RIN3: variants seen among roughly 807,000 people sequenced by gnomAD.
RIN3 encodes the protein Ras and Rab interactor 3, also known as RAB5 interacting protein 3.
In RIN3, 54 loss-of-function variants were observed where a neutral mutation model predicts 76.3. The ratio of observed to expected loss-of-function variants is 0.71; its 90% CI spans 0.57 to 0.89. The LOEUF (loss-of-function observed/expected upper bound fraction) is 0.89, where lower values mean the gene tolerates loss of function less well. Ranked by LOEUF, RIN3 falls within the 40% of genes least tolerant of loss-of-function variation. RIN3 has a pLI of 0.00. For missense variants in RIN3, 1,256 were observed against 1,322.1 expected, an observed-to-expected ratio of 0.95 and a Z score of 0.78; for synonymous variants, 576 against 564.0, an observed-to-expected ratio of 1.02 and a Z score of -0.30.
chr14:92,534,819 G>A (rs112484025), intron 1 of RIN3, among the ~76,000 whole-genome samples: 3,439 of 152,168 alleles, frequency 0.023, 137 homozygotes, highest in African/African-American at 0.077. Flanking sequence ...TCATGCCTGG[G>A]TGTCTATTCT....
chr14:92,590,294 T>C (rs976186829), intron 3 of RIN3, among the ~76,000 whole-genome samples: 1 of 152,210 alleles, frequency 6.6e-6, no homozygotes, highest in African/African-American at 2.4e-5. Flanking sequence ...ACAGTTTGGA[T>C]CTGTCTCTGC....
intron 1 of RIN3, among the ~76,000 whole-genome samples, chr14:92,517,909 T>C (rs950409025): frequency 5.3e-5 from 8 of 152,170 alleles, no homozygotes; most frequent in African/African-American, 1.9e-4. Context: ...CTAATTGCCC[T>C]CAGGTGACAT....
chr14:92,545,933 TG>T (rs68111288), intron 1 of RIN3, among the ~76,000 whole-genome samples: 56,585 of 144,042 alleles, frequency 0.39, 10,870 homozygotes, highest in East Asian at 0.65. Context: ...TTCTTTTCTT[TG>T]TTTTTTTTTG....
rs1379802478 is a variant in RIN3 at position 92,551,515 on chromosome 14, A to G, written c.45-4236A>G. ...GGTAGGTATATGTTTAGGTTTATTA[A>G]AAAGTGCCATATCTTTGTCTAAAGT... On this transcript the variant is annotated intron_variant, in intron 1 of 9. Transcript: ENST00000216487. 3.9e-5 allele frequency among the ~76,000 whole-genome samples: 6 copies of G among 152,132 alleles called. No homozygotes were observed. The East Asian group carries it at 1.2e-3, about 29-fold the overall frequency.
In RIN3 at chr14:92,688,941, G is replaced by C. The variant is rs886439052; in HGVS notation, c.*689G>C. 1 of 152,364 alleles carries C rather than the reference G, an allele frequency of 6.6e-6. No homozygotes were observed. The highest frequency in any genetic ancestry group is 2.4e-5 in the African/African-American group (1 of 41,474). 9.4% of individuals were successfully genotyped at this position (152,364 alleles called of 1,614,324 possible). Reference sequence around the variant, plus strand: ...CAGGACACGCCCCAGAGCTGTGGCAGATTGCAGGAGCCATCGTGTGGGGAG... The same window carrying C: ...CAGGACACGCCCCAGAGCTGTGGCACATTGCAGGAGCCATCGTGTGGGGAG... On this transcript the variant is annotated 3_prime_UTR_variant, in exon 10 of 10. Transcript: ENST00000216487.
chr14:92,642,335 G>A (rs1312946647), intron 5 of RIN3, among the ~76,000 whole-genome samples: 1 of 152,072 alleles, frequency 6.6e-6, no homozygotes, highest in Non-Finnish European at 1.5e-5. Flanking sequence ...GGCCTCAAGC[G>A]ATCCTCCCAC....
chr14:92,673,757 C>T (rs952562207), intron 7 of RIN3, among the ~76,000 whole-genome samples: 1 of 152,194 alleles, frequency 6.6e-6, no homozygotes, highest in Admixed American at 6.5e-5. Context: ...CCGCATGCGT[C>T]GGCCTCCCAG....
chr14:92,687,746 C>T (rs1888916779), intron 9 of RIN3, 180 bp from the exon 10 acceptor site: 2 of 560,858 alleles, frequency 3.6e-6, no homozygotes, highest in Middle Eastern at 4.8e-4. Flanking sequence ...GGAAGCCAGG[C>T]AGGGAGGGGG....
At chr14:92,635,183 A>C (rs10147131) in intron 4 of RIN3, among the ~76,000 whole-genome samples, 85,024 of 152,004 alleles carry the variant, frequency 0.56, 24,548 homozygotes, top group Non-Finnish European at 0.64. Flanking sequence ...AGTTTCAGAC[A>C]CCTGCCTTCC....
At position 92,545,253 on chromosome 14, in the gene RIN3, G is replaced by C. The variant is rs528281160; in HGVS notation, c.45-10498G>C. Among the ~76,000 whole-genome samples, 187 of 151,938 alleles carry C rather than the reference G, an allele frequency of 1.2e-3. 3 individuals are homozygous for C. Among genetic ancestry groups the C allele is most frequent in the African/African-American group, 4.4e-3 (183 of 41,416 alleles). ...GCCTCCAAAGTAGGTGGGACTACAGGCACCTGCCACCACGCCTGGCTAATT... is the reference window on the plus strand; with the variant it reads ...GCCTCCAAAGTAGGTGGGACTACAGCCACCTGCCACCACGCCTGGCTAATT... On this transcript the variant is annotated intron_variant, in intron 1 of 9. Transcript: ENST00000216487.
At chr14:92,637,494 T>C (rs1886818162) in intron 4 of RIN3, among the ~76,000 whole-genome samples, 1 of 152,158 alleles carries the variant, frequency 6.6e-6, no homozygotes, top group South Asian at 2.1e-4. Flanking sequence ...TGACAGGCCA[T>C]GGCCTAATAC....
rs1566886484 is a variant in RIN3 at position 92,651,651 on chromosome 14, C to A, written c.602C>A (p.Ala201Asp). ...GKPAEPPRDR[A>D]PGFPLVSSLR... ...CCAGCAGAGCCCCCAAGAGACCGGG[C>A]CCCCGGATTCCCCCTAGTCTCCAGC... Residue 201 changes from alanine (A) to aspartate (D), a missense_variant, in exon 6 of 10, where the codon GCC becomes GAC. Around this residue, in one of 3 missense-constraint regions of RIN3, gnomAD observed 610 missense variants for 626.4 expected, o/e 0.97. Coordinates refer to ENST00000216487, the MANE Select transcript of RIN3 (RefSeq NM_024832.5). The A allele has an allele frequency of 8.7e-6, 14 of 1,613,102 alleles. No homozygotes were observed. The highest frequency in any genetic ancestry group is 1.1e-5 in the South Asian group (1 of 91,060).
intron 2 of RIN3, among the ~76,000 whole-genome samples, chr14:92,563,456 T>A (rs144113856): frequency 1.0e-3 from 154 of 152,298 alleles, no homozygotes; most frequent in African/African-American, 3.6e-3. Flanking sequence ...GCAGGATTAC[T>A]TTGGACTAAG....
chr14:92,593,381 G>C (rs942781365), intron 3 of RIN3, among the ~76,000 whole-genome samples: 1 of 152,154 alleles, frequency 6.6e-6, no homozygotes, highest in Non-Finnish European at 1.5e-5. Context: ...GAGGTTGTCA[G>C]AGTAGATCAA....
chr14:92,604,774 C>T (rs1363446453), intron 3 of RIN3, among the ~76,000 whole-genome samples: 1 of 152,016 alleles, frequency 6.6e-6, no homozygotes, highest in East Asian at 1.9e-4. Context: ...AGAGAATGAG[C>T]TGATTATTTT....
chr14:92,517,703 C>A (rs1428361541), intron 1 of RIN3, among the ~76,000 whole-genome samples: 4 of 152,186 alleles, frequency 2.6e-5, no homozygotes, highest in Non-Finnish European at 4.4e-5. Flanking sequence ...TCCTGCCCAC[C>A]AGGAGTGTCT....
rs1887478739 is a variant in RIN3, at chr14:92,652,296, A to G, written c.1247A>G (p.Gln416Arg). ...GGGGACCAGCTCAGCCTGCCTCCCCAAGGGACCTCAGACGGCCCTGAGGAC... is the reference window on the plus strand; with the variant it reads ...GGGGACCAGCTCAGCCTGCCTCCCCGAGGGACCTCAGACGGCCCTGAGGAC... ...AEGDQLSLPPQGTSDGPEDTP... is the reference protein window; with the variant it reads ...AEGDQLSLPPRGTSDGPEDTP... The change falls in exon 6 of 10, where the codon CAA becomes CGA. Residue 416 changes from glutamine to arginine, a missense_variant. Around this residue, in one of 3 missense-constraint regions of RIN3, gnomAD observed 610 missense variants for 626.4 expected, o/e 0.97. Coordinates refer to ENST00000216487, the MANE Select transcript of RIN3 (RefSeq NM_024832.5). The surrounding 1 kb of genome is among the most constrained non-coding windows in gnomAD (Gnocchi z 6.4). 1.2e-6 allele frequency: 2 copies of G among 1,609,670 alleles called. No homozygotes were observed. Among genetic ancestry groups the G allele is most frequent in the South Asian group, 2.2e-5 (2 of 90,732 alleles).
chr14:92,612,406 G>T (rs941152730), intron 3 of RIN3, among the ~76,000 whole-genome samples: 1 of 152,236 alleles, frequency 6.6e-6, no homozygotes, highest in Non-Finnish European at 1.5e-5. Context: ...GAGGCTGTTT[G>T]TTGGGACTTC....
At chr14:92,604,559 C>T (rs1460416603) in intron 3 of RIN3, among the ~76,000 whole-genome samples, 1 of 152,076 alleles carries the variant, frequency 6.6e-6, no homozygotes, top group Admixed American at 6.5e-5. Flanking sequence ...TCAGAAACTC[C>T]TGTCTCCTGT....
Sources: gnomAD v4.1 joint callset for allele counts (sites outside exome capture counted in the v4.1 genomes callset) on GRCh38, gnomAD v4.1.1 for gene constraint, gnomAD v4.1.1 regional missense constraint, Gnocchi (gnomAD v3.1) non-coding constraint, MANE v1.5 for transcripts, NCBI Gene and HGNC (gene_info 2026-07-23, HGNC 2026-07-21) for gene names.